PCDH9: variants seen among roughly 807,000 people sequenced by gnomAD.
The protein encoded by PCDH9 is protocadherin-9.
Under a neutral mutation model 70.6 loss-of-function variants are expected in PCDH9, and 24 were observed. The observed-to-expected ratio is 0.34, with a 90% CI of 0.25 to 0.48. The LOEUF is 0.48. PCDH9 is among the 20% of genes least tolerant of loss of function. The pLI is 0.99. For missense variants in PCDH9, 1,281 were observed against 1,503.6 expected, an observed-to-expected ratio of 0.85 and a Z score of 2.45; for synonymous variants, 562 against 558.5, an observed-to-expected ratio of 1.01 and a Z score of -0.09.
chr13:67,100,993 G>A (rs1258220436), intron 2 of PCDH9, among the ~76,000 whole-genome samples: 1 of 152,154 alleles, frequency 6.6e-6, no homozygotes, highest in African/African-American at 2.4e-5. Flanking sequence ...TCTGAAAGGG[G>A]TCCGCACCTG....
At chr13:67,042,253 G>A (rs1014717811) in intron 2 of PCDH9, among the ~76,000 whole-genome samples, 3 of 152,068 alleles carry the variant, frequency 2.0e-5, no homozygotes, top group Non-Finnish European at 2.9e-5. Context: ...AGAACTGCCC[G>A]AGACTGGGTA....
At chr13:66,390,279 G>A (rs1291880734) in intron 4 of PCDH9, among the ~76,000 whole-genome samples, 1 of 152,020 alleles carries the variant, frequency 6.6e-6, no homozygotes, top group African/African-American at 2.4e-5. Flanking sequence ...GTGGACTATT[G>A]GTCCGTCTCA....
At chr13:66,391,676 T>C (rs1266848157) in intron 4 of PCDH9, among the ~76,000 whole-genome samples, 4 of 152,032 alleles carry the variant, frequency 2.6e-5, no homozygotes, top group African/African-American at 9.7e-5. Context: ...AATGAACAAC[T>C]TGAAGGTAGC....
chr13:66,650,357 C>CA (rs1296784124), intron 3 of PCDH9, among the ~76,000 whole-genome samples: 1 of 151,714 alleles, frequency 6.6e-6, no homozygotes, highest in African/African-American at 2.4e-5. Flanking sequence ...GATTTAAAGA[C>CA]AAAAACTCTA....
At chr13:66,517,689 G>GA (rs1959802530) in intron 4 of PCDH9, among the ~76,000 whole-genome samples, 1 of 152,016 alleles carries the variant, frequency 6.6e-6, no homozygotes, top group Non-Finnish European at 1.5e-5. Context: ...TGGCCTTCAG[G>GA]AAACCCAGAA....
intron 4 of PCDH9, among the ~76,000 whole-genome samples, chr13:66,586,117 A>T (rs2076959631): frequency 6.6e-6 from 1 of 152,162 alleles, no homozygotes. Context: ...TGTTAACTAA[A>T]TGATGGCTTA....
intron 2 of PCDH9, among the ~76,000 whole-genome samples, chr13:67,079,291 G>A (rs950218685): frequency 2.6e-5 from 4 of 152,202 alleles, no homozygotes; most frequent in South Asian, 2.1e-4. Flanking sequence ...ATAACAGTCA[G>A]AAATCTATAA....
At chr13:66,991,600 G>C (rs979531638) in intron 2 of PCDH9, among the ~76,000 whole-genome samples, 1 of 151,770 alleles carries the variant, frequency 6.6e-6, no homozygotes, top group African/African-American at 2.4e-5. Context: ...AATTTCATTT[G>C]ACTAACTACT....
At chr13:66,463,105 G>T (rs1241995534) in intron 4 of PCDH9, among the ~76,000 whole-genome samples, 1 of 151,738 alleles carries the variant, frequency 6.6e-6, no homozygotes, top group Non-Finnish European at 1.5e-5. Flanking sequence ...AATTTTGGTG[G>T]AAGAAGTAAC....
intron 4 of PCDH9, among the ~76,000 whole-genome samples, chr13:66,514,547 C>T (rs544517869): frequency 6.6e-6 from 1 of 150,544 alleles, no homozygotes; most frequent in South Asian, 2.1e-4. Flanking sequence ...GTAGGAGATG[C>T]CTTAGGCAAC....
rs1029292310 is a variant in PCDH9, at chr13:67,051,378, C to A, written c.3037-147773G>T. ...AAAGCGAAATACCAGGAAAACAATA[C>A]AAGATTTTTTTTTTTTTTTTTTTTT... On this transcript the variant is annotated intron_variant, in intron 2 of 4. Coordinates refer to ENST00000377865, the MANE Select transcript of PCDH9 (RefSeq NM_203487.3). Among the ~76,000 whole-genome samples the A allele has an allele frequency of 4.4e-5, 5 of 114,518 alleles. No individual in the cohort carries two copies. The East Asian group carries it at 6.9e-4, about 16-fold the overall frequency. 75.1% of individuals were successfully genotyped at this position (114,518 alleles called of 152,430 possible). A position where few individuals can be genotyped will look rare whatever the true frequency, so the allele number is the denominator to read the frequency against.
At chr13:66,569,174 G>A (rs979460627) in intron 4 of PCDH9, among the ~76,000 whole-genome samples, 1 of 150,864 alleles carries the variant, frequency 6.6e-6, no homozygotes, top group Non-Finnish European at 1.5e-5. Context: ...GCTAATTTTT[G>A]TATTTTATTT....
chr13:66,800,596 C>T (rs76264203), intron 3 of PCDH9, among the ~76,000 whole-genome samples: 2,377 of 152,160 alleles, frequency 0.016, 76 homozygotes, highest in African/African-American at 0.054. Context: ...TATCCTCATA[C>T]GCCAAATGGA....
intron 2 of PCDH9, among the ~76,000 whole-genome samples, chr13:66,907,314 T>C (rs993347513): frequency 6.6e-6 from 1 of 152,204 alleles, no homozygotes; most frequent in Non-Finnish European, 1.5e-5. Flanking sequence ...GTAAGATGCA[T>C]TTGCTAAATC....
At chr13:66,852,687 T>C (rs536054587) in intron 3 of PCDH9, among the ~76,000 whole-genome samples, 1 of 152,316 alleles carries the variant, frequency 6.6e-6, no homozygotes, top group Non-Finnish European at 1.5e-5. Context: ...GCATTTACTT[T>C]GGCATATTTG....
chr13:66,551,619 T>C (rs1281434462), intron 4 of PCDH9, among the ~76,000 whole-genome samples: 1 of 152,136 alleles, frequency 6.6e-6, no homozygotes, highest in Non-Finnish European at 1.5e-5. Context: ...GAAGAAGTTA[T>C]TTAGTAGATT....
rs2082878180 is a variant in PCDH9, at chr13:66,934,652, A to C, written c.3037-31047T>G. On this transcript the variant is annotated intron_variant, in intron 2 of 4. Coordinates refer to ENST00000377865, the MANE Select transcript of PCDH9 (RefSeq NM_203487.3). ...TTGTATGCTGAGGAAATTTTAGTGA[A>C]TATTTTATGAAGATAACATTTCCTT... Among the ~76,000 whole-genome samples, 4 of 149,332 alleles carry C rather than the reference A, an allele frequency of 2.7e-5. 1 individual carries two copies.
chr13:67,172,813 G>T (rs1175792731), intron 2 of PCDH9, among the ~76,000 whole-genome samples: 5 of 151,238 alleles, frequency 3.3e-5, no homozygotes, highest in African/African-American at 9.7e-5. Context: ...GGGAGGTGTA[G>T]GGTGCGGTGA....
intron 2 of PCDH9, among the ~76,000 whole-genome samples, chr13:67,193,457 T>C (rs1357112415): frequency 6.6e-6 from 1 of 152,076 alleles, no homozygotes; most frequent in Non-Finnish European, 1.5e-5. Context: ...TCTAATCAGG[T>C]TTCATTATAT....
Sources: gnomAD v4.1 joint callset for allele counts (sites outside exome capture counted in the v4.1 genomes callset) on GRCh38, gnomAD v4.1.1 for gene constraint, MANE v1.5 for transcripts, NCBI Gene and HGNC (gene_info 2026-07-23, HGNC 2026-07-21) for gene names.